Variants in KCNIP4 observed in about 807,000 individuals in gnomAD.
The protein encoded by KCNIP4 is potassium voltage-gated channel interacting protein 4.
KCNIP4 carries 12 observed loss-of-function variants against 34.0 expected under a neutral mutation model. The observed-to-expected ratio is 0.35, with a 90% CI of 0.23 to 0.57. KCNIP4 has a LOEUF of 0.57. Among genes scored for constraint, KCNIP4 ranks in the 20% least tolerant of loss-of-function variants. The pLI is 0.83. For synonymous variants in KCNIP4, 124 were observed against 102.2 expected, an observed-to-expected ratio of 1.21 and a Z score of -1.29; for missense variants, 238 against 311.7, an observed-to-expected ratio of 0.76 and a Z score of 1.78.
intron 1 of KCNIP4, among the ~76,000 whole-genome samples, chr4:21,556,189 T>C (rs911918751): frequency 6.6e-6 from 1 of 152,134 alleles, no homozygotes; most frequent in Non-Finnish European, 1.5e-5. Flanking sequence ...TTATTGGCTT[T>C]CGAGTTGGAA....
chr4:21,503,866 A>C (rs912478624), intron 1 of KCNIP4, among the ~76,000 whole-genome samples: 3 of 152,222 alleles, frequency 2.0e-5, no homozygotes, highest in African/African-American at 7.2e-5. Flanking sequence ...TTGCTAACAG[A>C]GAAGCTATAT....
chr4:20,849,392 T>C lies in KCNIP4; in HGVS notation c.288+1151A>G, dbSNP rs187548487. ...TTCATTCAGACAGATGGTGGAAACT[T>C]GTGTGCAATGCGCATGCAGAAACCC... is the stretch of plus-strand genomic sequence containing the variant. On this transcript the variant is annotated intron_variant, in intron 3 of 8. Transcript: ENST00000382152. 1.7e-3 allele frequency among the ~76,000 whole-genome samples: 257 copies of C among 152,228 alleles called. 2 individuals are homozygous for C. The highest frequency in any genetic ancestry group is 5.9e-3 in the African/African-American group (246 of 41,550).
At chr4:21,370,872 CACACACACACGTGT>C (rs1412155755) in intron 1 of KCNIP4, among the ~76,000 whole-genome samples, 2 of 70,578 alleles carry the variant, frequency 2.8e-5, no homozygotes, top group African/African-American at 1.3e-4. Flanking sequence ...CACACACACA[CACACACACACGTGT>C]GTGTGTGTGT....
chr4:21,501,569 A>C (rs1733342128), intron 1 of KCNIP4, among the ~76,000 whole-genome samples: 1 of 152,048 alleles, frequency 6.6e-6, no homozygotes, highest in African/African-American at 2.4e-5. Flanking sequence ...ATGAACAAAA[A>C]GGTTTTGTTT....
intron 1 of KCNIP4, chr4:20,983,664 T>C (rs1736309613): frequency 1.6e-6 from 1 of 616,256 alleles, no homozygotes; most frequent in Non-Finnish European, 2.8e-6. Context: ...TAAACCAAAA[T>C]GAACTGTCCA....
chr4:21,554,432 A>G (rs1394900430), intron 1 of KCNIP4, among the ~76,000 whole-genome samples: 1 of 152,166 alleles, frequency 6.6e-6, no homozygotes, highest in Admixed American at 6.5e-5. Context: ...CAGACATTCT[A>G]TTTTAAACCA....
intron 1 of KCNIP4, among the ~76,000 whole-genome samples, chr4:21,911,480 T>C (rs1484175675): frequency 6.6e-6 from 1 of 151,136 alleles, no homozygotes; most frequent in African/African-American, 2.4e-5. Flanking sequence ...GAGAATTTTT[T>C]ACAACTCCAA....
At chr4:21,444,394 G>C (rs1404872984) in intron 1 of KCNIP4, among the ~76,000 whole-genome samples, 3 of 152,122 alleles carry the variant, frequency 2.0e-5, no homozygotes, top group Non-Finnish European at 4.4e-5. Context: ...CTGGCAAATT[G>C]AATCCAGCAG....
At chr4:21,195,716 G>A (rs1756005142) in intron 1 of KCNIP4, among the ~76,000 whole-genome samples, 1 of 152,202 alleles carries the variant, frequency 6.6e-6, no homozygotes, top group Non-Finnish European at 1.5e-5. Flanking sequence ...CCTTGAGGGT[G>A]ATAGTTATTC....
chr4:21,247,382 G>A (rs1269520716), intron 1 of KCNIP4, among the ~76,000 whole-genome samples: 1 of 151,690 alleles, frequency 6.6e-6, no homozygotes, highest in African/African-American at 2.4e-5. Flanking sequence ...TTGTTCATTA[G>A]GACTCTTCTC....
chr4:20,760,103 A>C (rs1754825765), intron 3 of KCNIP4, among the ~76,000 whole-genome samples: 1 of 152,166 alleles, frequency 6.6e-6, no homozygotes, highest in Admixed American at 6.5e-5. Flanking sequence ...CACACTTCCA[A>C]CTAGTGTTGT....
intron 1 of KCNIP4, among the ~76,000 whole-genome samples, chr4:21,414,352 G>A (rs1310987966): frequency 5.3e-5 from 8 of 152,086 alleles, no homozygotes; most frequent in African/African-American, 1.2e-4. Context: ...GTCATTAATC[G>A]TCAGGAAAAT....
rs3765122 is a variant in KCNIP4 at position 20,850,621 on chromosome 4, A to G, written c.210T>C (p.Pro70=). 652,213 of 1,612,108 alleles carry G rather than the reference A, an allele frequency of 0.4. 135,266 individuals are homozygous for G. Among genetic ancestry groups the G allele is most frequent in the Admixed American group, 0.5 (30,084 of 59,902 alleles). Residue 70 remains proline (P), a synonymous_variant, in exon 3 of 9, where the codon CCT becomes CCC. Transcript: ENST00000382152. ...ELEMATVRHR[P]EALELLEAQS... ...GGGCTTCCAGAAGCTCAAGGGCTTCAGGCCGATGCCTGACGGTGGCCATCT... is the reference window on the plus strand; with the variant it reads ...GGGCTTCCAGAAGCTCAAGGGCTTCGGGCCGATGCCTGACGGTGGCCATCT...
chr4:21,561,657 AC>A (rs1739493928), intron 1 of KCNIP4, among the ~76,000 whole-genome samples: 1 of 151,904 alleles, frequency 6.6e-6, no homozygotes, highest in African/African-American at 2.4e-5. Flanking sequence ...AAAAAATCAG[AC>A]AAAAAAGTTA....
At chr4:21,148,451 G>A (rs183492652) in intron 1 of KCNIP4, among the ~76,000 whole-genome samples, 3 of 152,178 alleles carry the variant, frequency 2.0e-5, no homozygotes, top group Admixed American at 1.3e-4. Flanking sequence ...CCTACATAAT[G>A]TTTACGCATC....
At chr4:21,029,816 G>C (rs945179142) in intron 1 of KCNIP4, among the ~76,000 whole-genome samples, 10 of 152,154 alleles carry the variant, frequency 6.6e-5, no homozygotes, top group African/African-American at 2.2e-4. Flanking sequence ...TAACTGCATA[G>C]AGGCCTTTGA....
intron 1 of KCNIP4, among the ~76,000 whole-genome samples, chr4:21,664,919 C>T (rs1748724598): frequency 6.6e-6 from 1 of 152,086 alleles, no homozygotes; most frequent in Non-Finnish European, 1.5e-5. Flanking sequence ...TTTGGTACTT[C>T]TTTAATTTTT....
Position 20,847,613 on chromosome 4 carries a change from G to A in KCNIP4, c.288+2930C>T, listed in dbSNP as rs1235146769. Among the ~76,000 whole-genome samples the A allele has an allele frequency of 2.6e-5, 4 of 152,122 alleles. 1 individual carries two copies. The South Asian group carries it at 6.2e-4, about 24-fold the overall frequency. On this transcript the variant is annotated intron_variant, in intron 3 of 8. Coordinates refer to ENST00000382152, the MANE Select transcript of KCNIP4 (RefSeq NM_025221.6). Reference sequence around the variant, plus strand: ...GGAGCCTCAGTGAGTAAGCCTGTGTGAGGGAGGAGATATTTCTCTCACTAT... The same window carrying A: ...GGAGCCTCAGTGAGTAAGCCTGTGTAAGGGAGGAGATATTTCTCTCACTAT...
intron 1 of KCNIP4, among the ~76,000 whole-genome samples, chr4:21,022,106 CT>C (rs1397702061): frequency 2.0e-5 from 3 of 152,038 alleles, no homozygotes; most frequent in African/African-American, 7.2e-5. Flanking sequence ...CCATTAAAAC[CT>C]TGAGACCACC....
Sources: allele counts gnomAD v4.1 joint callset (sites outside exome capture counted in the v4.1 genomes callset), GRCh38; gene constraint gnomAD v4.1.1; transcripts MANE v1.5; gene names NCBI Gene and HGNC (gene_info 2026-07-23, HGNC 2026-07-21).